TMEM108: variants seen among roughly 807,000 people sequenced by gnomAD.
The protein encoded by TMEM108 is cancer/testis antigen 124.
A neutral mutation model predicts 35.1 loss-of-function variants in TMEM108; 12 were observed. The observed-to-expected ratio is 0.34, with a 90% CI of 0.22 to 0.55. The LOEUF is 0.55. Ranked by LOEUF, TMEM108 falls within the 20% of genes least tolerant of loss-of-function variation. The pLI is 0.89. For synonymous variants in TMEM108, 287 were observed against 308.6 expected (o/e 0.93, Z 0.73); for missense variants, 680 against 753.3 (o/e 0.90, Z 1.14).
chr3:133,376,744 A>G (rs1395601554), intron 3 of TMEM108, among the ~76,000 whole-genome samples: 1 of 152,016 alleles, frequency 6.6e-6, no homozygotes. Flanking sequence ...TCCCTGTTTC[A>G]CTAATCTCAG....
chr3:133,102,369 C>G (rs997661310), intron 2 of TMEM108, among the ~76,000 whole-genome samples: 6 of 152,174 alleles, frequency 3.9e-5, no homozygotes, highest in African/African-American at 1.4e-4. Context: ...TTATCTTCAG[C>G]CTGCTGCTTA....
chr3:133,093,208 C>G (rs902424055), intron 2 of TMEM108, among the ~76,000 whole-genome samples: 2 of 152,152 alleles, frequency 1.3e-5, no homozygotes, highest in Admixed American at 1.3e-4. Flanking sequence ...CCAGGCTGGT[C>G]TCGAACTCCT....
chr3:133,088,243 C>T (rs1307772434), intron 2 of TMEM108, among the ~76,000 whole-genome samples: 1 of 152,006 alleles, frequency 6.6e-6, no homozygotes, highest in Non-Finnish European at 1.5e-5. Context: ...TTGTGGGCTA[C>T]AGATTGACAG....
chr3:133,148,624 T>C (rs1944755097), intron 2 of TMEM108, among the ~76,000 whole-genome samples: 1 of 152,196 alleles, frequency 6.6e-6, no homozygotes, highest in Non-Finnish European at 1.5e-5. Context: ...TCATGATACT[T>C]CTTAAATTAC....
intron 2 of TMEM108, among the ~76,000 whole-genome samples, chr3:133,146,781 G>A (rs1479699117): frequency 2.0e-5 from 3 of 152,070 alleles, no homozygotes; most frequent in Admixed American, 6.6e-5. Context: ...TCTGATGGTA[G>A]TTTGTATTTC....
At chr3:133,392,504 A>G (rs369789252) in intron 5 of TMEM108, among the ~76,000 whole-genome samples, 13 of 152,034 alleles carry the variant, frequency 8.6e-5, no homozygotes, top group African/African-American at 3.1e-4. Flanking sequence ...CTTAAATACC[A>G]TCTCTGCACT....
intron 2 of TMEM108, among the ~76,000 whole-genome samples, chr3:133,217,328 C>A (rs1331154827): frequency 3.3e-5 from 5 of 151,882 alleles, no homozygotes; most frequent in Non-Finnish European, 5.9e-5. Context: ...GTATATTAAT[C>A]CTTTATCATA....
At chr3:133,232,469 C>T (rs972649223) in intron 3 of TMEM108, among the ~76,000 whole-genome samples, 1 of 152,176 alleles carries the variant, frequency 6.6e-6, no homozygotes, top group Admixed American at 6.5e-5. Flanking sequence ...GATGCTGGTG[C>T]CGTGCTTCTT....
At chr3:133,344,861 GA>G (rs150517049) in intron 3 of TMEM108, among the ~76,000 whole-genome samples, 6,628 of 151,646 alleles carry the variant, frequency 0.044, 186 homozygotes, top group Non-Finnish European at 0.064. Context: ...AATCTCCTAG[GA>G]AAAAAATCAA....
At chr3:133,204,731 A>C (rs1576381030) in intron 2 of TMEM108, among the ~76,000 whole-genome samples, 1 of 152,296 alleles carries the variant, frequency 6.6e-6, no homozygotes, top group East Asian at 1.9e-4. Context: ...TTATGTGGTC[A>C]ATTTTAGAAT....
intron 2 of TMEM108, among the ~76,000 whole-genome samples, chr3:133,122,335 A>G (rs889162556): frequency 9.9e-5 from 15 of 152,228 alleles, no homozygotes; most frequent in African/African-American, 3.1e-4. Context: ...TAACACATTT[A>G]AAGTATAAAC....
At chr3:133,272,149 C>T (rs1052348440) in intron 3 of TMEM108, among the ~76,000 whole-genome samples, 1 of 151,994 alleles carries the variant, frequency 6.6e-6, no homozygotes, top group Non-Finnish European at 1.5e-5. Flanking sequence ...TAGGATATTC[C>T]CTCCCATAAG....
chr3:133,140,632 C>T (rs1483278801), intron 2 of TMEM108, among the ~76,000 whole-genome samples: 2 of 152,138 alleles, frequency 1.3e-5, no homozygotes, highest in African/African-American at 4.8e-5. Flanking sequence ...AAACCATCCT[C>T]ACAAAACAGA....
intron 2 of TMEM108, among the ~76,000 whole-genome samples, chr3:133,180,865 A>C (rs1191069796): frequency 6.6e-6 from 1 of 152,084 alleles, no homozygotes; most frequent in Non-Finnish European, 1.5e-5. Context: ...TACTTCTTTC[A>C]GTCTTTGGCC....
chr3:133,158,449 A>G (rs1192899649), intron 2 of TMEM108, among the ~76,000 whole-genome samples: 2 of 144,844 alleles, frequency 1.4e-5, no homozygotes, highest in African/African-American at 5.1e-5. Context: ...GCCTGGCAAC[A>G]GAGTGAGACT....
intron 2 of TMEM108, among the ~76,000 whole-genome samples, chr3:133,126,687 A>G (rs563207174): frequency 4.6e-5 from 7 of 152,276 alleles, no homozygotes; most frequent in African/African-American, 1.7e-4. Flanking sequence ...TATTATTTCA[A>G]CATGTACAGT....
At chr3:133,266,438 A>G (rs1946697954) in intron 3 of TMEM108, among the ~76,000 whole-genome samples, 1 of 152,318 alleles carries the variant, frequency 6.6e-6, no homozygotes, top group East Asian at 1.9e-4. Context: ...GTTTTTGGCA[A>G]CTGTGACTTT....
intron 3 of TMEM108, among the ~76,000 whole-genome samples, chr3:133,272,813 G>C (rs1280739821): frequency 6.6e-6 from 1 of 152,128 alleles, no homozygotes; most frequent in Non-Finnish European, 1.5e-5. Context: ...CCCTCTAAGA[G>C]GGATATGGAA....
At chr3:133,214,094 C>T (rs1474615032) in intron 2 of TMEM108, among the ~76,000 whole-genome samples, 3 of 152,130 alleles carry the variant, frequency 2.0e-5, no homozygotes, top group East Asian at 1.9e-4. Flanking sequence ...TGCTACTGGG[C>T]GATAGTTGCT....
Sources: gnomAD v4.1 joint callset for allele counts (sites outside exome capture counted in the v4.1 genomes callset) on GRCh38, gnomAD v4.1.1 for gene constraint, MANE v1.5 for transcripts, NCBI Gene and HGNC (gene_info 2026-07-23, HGNC 2026-07-21) for gene names.